The following KCNIP4 variants were observed in gnomAD, a reference collection of about 807,000 sequenced individuals.
KCNIP4 encodes the protein potassium voltage-gated channel interacting protein 4.
In KCNIP4, 12 loss-of-function variants were observed where a neutral mutation model predicts 34.0. The observed-to-expected ratio is 0.35, with a 90% CI of 0.23 to 0.57. KCNIP4 has a LOEUF of 0.57. Among genes scored for constraint, KCNIP4 ranks in the 20% least tolerant of loss-of-function variants. The probability of loss-of-function intolerance (pLI) is 0.83; values close to 1 mark genes in which losing one functional copy is unlikely to be tolerated. For missense variants in KCNIP4, 238 were observed against 311.7 expected, an observed-to-expected ratio of 0.76 and a Z score of 1.78; for synonymous variants, 124 against 102.2, an observed-to-expected ratio of 1.21 and a Z score of -1.29.
intron 1 of KCNIP4, among the ~76,000 whole-genome samples, chr4:21,497,543 T>C (rs535728783): frequency 1.3e-5 from 2 of 152,186 alleles, no homozygotes; most frequent in Admixed American, 6.5e-5. Flanking sequence ...CCCCAAACAG[T>C]TTTTAAACCT....
intron 1 of KCNIP4, among the ~76,000 whole-genome samples, chr4:21,864,299 A>G (rs928224733): frequency 1.3e-5 from 2 of 152,242 alleles, no homozygotes; most frequent in African/African-American, 2.4e-5. Context: ...GAAACACAAT[A>G]GGTAACATAG....
In KCNIP4 at chr4:20,933,247, A is replaced by T. The variant is rs555395328; in HGVS notation, c.62-50538T>A. Among the ~76,000 whole-genome samples, 15 of 152,306 alleles carry T rather than the reference A, an allele frequency of 9.8e-5. No homozygotes were observed. The South Asian group carries it at 2.9e-3, about 29-fold the overall frequency. Reference sequence around the variant, plus strand: ...TGACAGAATGAGACTCTGTCTCAAAAGAAAAAAAATATAAAAAAATAAAAA... The same window carrying T: ...TGACAGAATGAGACTCTGTCTCAAATGAAAAAAAATATAAAAAAATAAAAA... On this transcript the variant is annotated intron_variant, in intron 1 of 8. Coordinates refer to ENST00000382152, the MANE Select transcript of KCNIP4 (RefSeq NM_025221.6).
chr4:20,795,290 T>C (rs1162083649), intron 3 of KCNIP4, among the ~76,000 whole-genome samples: 1 of 152,130 alleles, frequency 6.6e-6, no homozygotes, highest in Non-Finnish European at 1.5e-5. Context: ...ATTATACTTC[T>C]GTGAAATGGT....
intron 1 of KCNIP4, among the ~76,000 whole-genome samples, chr4:21,243,069 T>A (rs1273806068): frequency 6.6e-6 from 1 of 152,172 alleles, no homozygotes; most frequent in Non-Finnish European, 1.5e-5. Flanking sequence ...AACGTTATTA[T>A]CATTATCAAT....
At chr4:21,558,733 C>A (rs12498693) in intron 1 of KCNIP4, among the ~76,000 whole-genome samples, 8,662 of 152,088 alleles carry the variant, frequency 0.057, 345 homozygotes, top group Non-Finnish European at 0.089. Context: ...CTATTTCTTG[C>A]CTGTTTAAAG....
intron 1 of KCNIP4, among the ~76,000 whole-genome samples, chr4:21,493,959 T>A (rs958659393): frequency 6.6e-6 from 1 of 152,234 alleles, no homozygotes; most frequent in East Asian, 1.9e-4. Flanking sequence ...TTCCATCCTA[T>A]TACAGTTTTA....
At chr4:21,664,154 G>T (rs1044928778) in intron 1 of KCNIP4, among the ~76,000 whole-genome samples, 3 of 151,936 alleles carry the variant, frequency 2.0e-5, no homozygotes, top group Non-Finnish European at 4.4e-5. Flanking sequence ...TCACCATGTT[G>T]GCCAGGCTGG....
intron 3 of KCNIP4, among the ~76,000 whole-genome samples, chr4:20,772,344 G>A (rs901414019): frequency 9.9e-5 from 15 of 152,170 alleles, no homozygotes; most frequent in Non-Finnish European, 8.8e-5. Context: ...ACGCACAGGA[G>A]CGTAACGGTT....
At chr4:21,035,471 T>C (rs1258028851) in intron 1 of KCNIP4, among the ~76,000 whole-genome samples, 2 of 152,304 alleles carry the variant, frequency 1.3e-5, no homozygotes, top group African/African-American at 4.8e-5. Flanking sequence ...AATCTACAAA[T>C]ACATAACAAT....
chr4:21,072,077 A>T (rs1051739997), intron 1 of KCNIP4, among the ~76,000 whole-genome samples: 3 of 152,146 alleles, frequency 2.0e-5, no homozygotes, highest in Non-Finnish European at 2.9e-5. Flanking sequence ...AGTCTTTGCT[A>T]TTGTGAATAG....
chr4:21,247,419 A>G (rs1469100481), intron 1 of KCNIP4, among the ~76,000 whole-genome samples: 4 of 151,756 alleles, frequency 2.6e-5, no homozygotes, highest in Non-Finnish European at 5.9e-5. Flanking sequence ...AAAGGGTTTG[A>G]ACATTGCAAT....
intron 1 of KCNIP4, among the ~76,000 whole-genome samples, chr4:20,945,512 C>T (rs1429966979): frequency 6.6e-6 from 1 of 152,118 alleles, no homozygotes; most frequent in Non-Finnish European, 1.5e-5. Flanking sequence ...CATTTTATTT[C>T]AAAGCCTTAT....
chr4:20,816,078 G>A (rs545272254), intron 3 of KCNIP4, among the ~76,000 whole-genome samples: 45 of 151,760 alleles, frequency 3.0e-4, no homozygotes, highest in African/African-American at 9.4e-4. Flanking sequence ...GCGAAACTCC[G>A]TCTCTACTAA....
Position 21,057,416 on chromosome 4 carries a change from C to G in KCNIP4, c.62-174707G>C, listed in dbSNP as rs538718697. On this transcript the variant is annotated intron_variant, in intron 1 of 8. Coordinates refer to ENST00000382152, the MANE Select transcript of KCNIP4 (RefSeq NM_025221.6). ...CACAGTTCAGCATTTATGAAGGAAACCTTTGTTAGCCTAAAATGTAGCTGT... is the reference window on the plus strand; with the variant it reads ...CACAGTTCAGCATTTATGAAGGAAAGCTTTGTTAGCCTAAAATGTAGCTGT... 5.9e-5 allele frequency among the ~76,000 whole-genome samples: 9 copies of G among 152,036 alleles called. No homozygotes were observed. In the East Asian group the frequency reaches 9.6e-4, roughly 16 times the overall value.
chr4:20,877,963 T>TCC (rs1445568819), intron 2 of KCNIP4, among the ~76,000 whole-genome samples: 1 of 126,780 alleles, frequency 7.9e-6, no homozygotes, highest in Non-Finnish European at 1.7e-5. Context: ...TAATGTTTTC[T>TCC]CTCTCTCTTT....
rs554319109 is a variant in KCNIP4, at chr4:21,753,790, T to C, written c.61+194781A>G. Among the ~76,000 whole-genome samples, 11 of 152,300 alleles carry C rather than the reference T, an allele frequency of 7.2e-5. No individual in the cohort carries two copies. The East Asian group carries it at 1.9e-3, about 27-fold the overall frequency. ...AAGCATCATGCCTTTTGTGAAACTA[T>C]AGTCAAGCCCATGCCCAAAAGCCAT... On this transcript the variant is annotated intron_variant, in intron 1 of 8. Coordinates refer to ENST00000382152, the MANE Select transcript of KCNIP4 (RefSeq NM_025221.6).
At position 21,200,300 on chromosome 4, in the gene KCNIP4, GTATATATATACATACATATA is replaced by G. The variant is rs1560803170; in HGVS notation, c.62-317611_62-317592del. 3.3e-4 allele frequency among the ~76,000 whole-genome samples: 45 copies of G among 136,344 alleles called. 2 individuals are homozygous for G. Among genetic ancestry groups the G allele is most frequent in the African/African-American group, 6.7e-4 (23 of 34,296 alleles). The allele number at this position is 136,344 out of a possible 152,430, so 89.4% of individuals were successfully genotyped here. A position where few individuals can be genotyped will look rare whatever the true frequency, so the allele number is the denominator to read the frequency against. ...AAATGTGATGTGTGTGTGTGTGTGT[GTATATATATACATACATATA>G]TGTGTGTATATATATATACATACAT... is the stretch of plus-strand genomic sequence containing the variant. On this transcript the variant is annotated intron_variant, in intron 1 of 8. Coordinates refer to ENST00000382152, the MANE Select transcript of KCNIP4 (RefSeq NM_025221.6).
Position 21,378,362 on chromosome 4 carries a change from G to A in KCNIP4, c.62-495653C>T, listed in dbSNP as rs116613866. On this transcript the variant is annotated intron_variant, in intron 1 of 8. Transcript: ENST00000382152. ...TAATAAATTCCTTTAATAAAAATGC[G>A]CCAATAGATTCATTTTCTTCTTTTT... 3.0e-4 allele frequency among the ~76,000 whole-genome samples: 46 copies of A among 152,040 alleles called. 1 individual carries two copies. The highest frequency in any genetic ancestry group is 3.4e-3 in the Middle Eastern group (1 of 294).
At chr4:21,140,174 C>A (rs1751835800) in intron 1 of KCNIP4, among the ~76,000 whole-genome samples, 1 of 152,080 alleles carries the variant, frequency 6.6e-6, no homozygotes, top group African/African-American at 2.4e-5. Context: ...AGATTGCCGT[C>A]AGGCTGCTTG....
Sources: allele counts gnomAD v4.1 joint callset (sites outside exome capture counted in the v4.1 genomes callset), GRCh38; gene constraint gnomAD v4.1.1; transcripts MANE v1.5; gene names NCBI Gene and HGNC (gene_info 2026-07-23, HGNC 2026-07-21).